The following C8orf34 variants were observed in gnomAD, a reference collection of about 807,000 sequenced individuals.
C8orf34 encodes the protein uncharacterized protein C8orf34.
C8orf34 carries 65 observed loss-of-function variants against 68.3 expected under a neutral mutation model. The observed-to-expected ratio is 0.95, with a 90% CI of 0.78 to 1.17. The LOEUF is 1.17. C8orf34 is among the 50% of genes most tolerant of loss of function. C8orf34 has a pLI of 0.00. For synonymous variants in C8orf34, 244 were observed against 241.2 expected, an observed-to-expected ratio of 1.01 and a Z score of -0.11; for missense variants, 664 against 655.4, an observed-to-expected ratio of 1.01 and a Z score of -0.14.
chr8:68,773,322 G>T lies in C8orf34; in HGVS notation c.1405-3077G>T, dbSNP rs566316394. Among the ~76,000 whole-genome samples the T allele has an allele frequency of 2.0e-5, 3 of 152,204 alleles. No individual in the cohort carries two copies. The South Asian group carries it at 6.2e-4, about 32-fold the overall frequency. The stretch of plus-strand genomic sequence containing the variant: ...GCCTTATTCTTCGTTGTGTCCACTT[G>T]GCCTTGTACCACACTTGCATTCTTC... On this transcript the variant is annotated intron_variant, in intron 10 of 13. Coordinates refer to ENST00000518698, the MANE Select transcript of C8orf34 (RefSeq NM_052958.4).
chr8:68,770,502 T>C (rs1028301732), intron 10 of C8orf34, among the ~76,000 whole-genome samples: 2 of 152,208 alleles, frequency 1.3e-5, no homozygotes, highest in African/African-American at 4.8e-5. Context: ...TCTAAGTCCA[T>C]GCAATTACAA....
intron 7 of C8orf34, among the ~76,000 whole-genome samples, chr8:68,633,405 G>T (rs1363974392): frequency 6.6e-6 from 1 of 152,136 alleles, no homozygotes; most frequent in Non-Finnish European, 1.5e-5. Flanking sequence ...CTGGGATGGG[G>T]TTGATCACAT....
intron 7 of C8orf34, among the ~76,000 whole-genome samples, chr8:68,591,559 A>C (rs1208461379): frequency 1.3e-5 from 2 of 152,172 alleles, no homozygotes; most frequent in Non-Finnish European, 2.9e-5. Context: ...CAGCTAAACT[A>C]CAGGCTAATG....
intron 5 of C8orf34, among the ~76,000 whole-genome samples, chr8:68,495,708 C>T (rs1175363430): frequency 6.6e-6 from 1 of 152,176 alleles, no homozygotes; most frequent in African/African-American, 2.4e-5. Flanking sequence ...CTCTTTGTCA[C>T]ATAGTAAGTG....
chr8:68,760,871 A>G (rs1195970609), intron 10 of C8orf34, among the ~76,000 whole-genome samples: 1 of 152,212 alleles, frequency 6.6e-6, no homozygotes, highest in Non-Finnish European at 1.5e-5. Flanking sequence ...CTGTTTAAAT[A>G]TTTAATTTGA....
chr8:68,374,195 A>T (rs541483865), intron 1 of C8orf34, among the ~76,000 whole-genome samples: 1 of 152,254 alleles, frequency 6.6e-6, no homozygotes, highest in South Asian at 2.1e-4. Context: ...GATTGCAGGC[A>T]CGAGCCACCA....
intron 4 of C8orf34, among the ~76,000 whole-genome samples, chr8:68,471,403 G>A (rs1053447718): frequency 6.6e-6 from 1 of 152,126 alleles, no homozygotes; most frequent in Non-Finnish European, 1.5e-5. Flanking sequence ...CAACATGCCT[G>A]CCCTGGTCAG....
chr8:68,751,696 G>A (rs1388974976), intron 10 of C8orf34, among the ~76,000 whole-genome samples: 1 of 151,982 alleles, frequency 6.6e-6, no homozygotes, highest in Non-Finnish European at 1.5e-5. Flanking sequence ...ACTTTGAGAA[G>A]TATTTGGCCA....
Position 68,818,405 on chromosome 8 carries a change from A to T in C8orf34, c.*159A>T. ...TACTATCGTAGCCAGGGGGTGCCCA[A>T]GTATGTAATCAGAGAACACTAATCC... On this transcript the variant is annotated 3_prime_UTR_variant, in exon 14 of 14. Coordinates refer to ENST00000518698, the MANE Select transcript of C8orf34 (RefSeq NM_052958.4). 1.3e-6 allele frequency: 1 copy of T among 776,748 alleles called. No individual in the cohort carries two copies. Among genetic ancestry groups the T allele is most frequent in the South Asian group, 1.9e-5 (1 of 52,742 alleles). The allele number at this position is 776,748 out of a possible 1,614,324, so 48.1% of individuals were successfully genotyped here. A position where few individuals can be genotyped will look rare whatever the true frequency, so the allele number is the denominator to read the frequency against.
chr8:68,797,552 A>C (rs1004052451), intron 12 of C8orf34, among the ~76,000 whole-genome samples: 2 of 151,872 alleles, frequency 1.3e-5, no homozygotes. Flanking sequence ...TAAAAAAAAA[A>C]AAGTTTCTTC....
chr8:68,421,854 A>G (rs1229044418), intron 1 of C8orf34, among the ~76,000 whole-genome samples: 3 of 152,192 alleles, frequency 2.0e-5, no homozygotes, highest in Non-Finnish European at 1.5e-5. Context: ...GGGAGTCCTC[A>G]AGTAACTTAC....
In C8orf34 at chr8:68,521,815, ATTC is replaced by A; in HGVS notation, c.787_789del (p.Ser263del). On this transcript the variant is annotated inframe_deletion, in exon 6 of 14. Transcript: ENST00000518698. ...TCTCTTCAGGAAACAGTGACATTTA[ATTC>A]TTCTCTTCTGAGGCCCCGTGTGATT... 6.2e-7 allele frequency: 1 copy of A among 1,613,176 alleles called. No individual in the cohort carries two copies. Among genetic ancestry groups the A allele is most frequent in the South Asian group, 1.1e-5 (1 of 90,870 alleles).
intron 3 of C8orf34, among the ~76,000 whole-genome samples, chr8:68,464,388 A>C (rs1023648168): frequency 7.2e-5 from 11 of 152,162 alleles, no homozygotes; most frequent in Non-Finnish European, 1.2e-4. Flanking sequence ...GGTAATTTAT[A>C]GATTCAATGC....
chr8:68,585,127 G>A (rs1817170372), intron 7 of C8orf34, among the ~76,000 whole-genome samples: 1 of 152,116 alleles, frequency 6.6e-6, no homozygotes, highest in Admixed American at 6.6e-5. Context: ...GCACTGGGCA[G>A]TCTGAGAAGT....
Position 68,798,507 on chromosome 8 carries a change from T to G in C8orf34, c.1549+10971T>G, listed in dbSNP as rs1824243193. The stretch of plus-strand genomic sequence containing the variant: ...AAACTCTTATCAGATGATAAATCTC[T>G]AAATTAGGTATATCAGATATCTGCA... On this transcript the variant is annotated intron_variant, in intron 12 of 13. Coordinates refer to ENST00000518698, the MANE Select transcript of C8orf34 (RefSeq NM_052958.4). Among the ~76,000 whole-genome samples, 3 of 152,166 alleles carry G rather than the reference T, an allele frequency of 2.0e-5. No homozygotes were observed. In the South Asian group the frequency reaches 6.2e-4, roughly 32 times the overall value.
chr8:68,581,437 G>A (rs575591657), intron 7 of C8orf34, among the ~76,000 whole-genome samples: 5 of 152,112 alleles, frequency 3.3e-5, no homozygotes, highest in African/African-American at 1.2e-4. Context: ...CCTGCTTCAG[G>A]GGAGAAGAGT....
intron 7 of C8orf34, among the ~76,000 whole-genome samples, chr8:68,592,182 T>A (rs1411537709): frequency 6.6e-6 from 1 of 152,198 alleles, no homozygotes; most frequent in African/African-American, 2.4e-5. Flanking sequence ...TCACATTTTC[T>A]TTCTCCATAC....
At chr8:68,381,455 G>A (rs548625904) in intron 1 of C8orf34, among the ~76,000 whole-genome samples, 9 of 152,208 alleles carry the variant, frequency 5.9e-5, no homozygotes, top group South Asian at 2.1e-4. Flanking sequence ...TATTAAGGCC[G>A]GGCGCGGTGG....
chr8:68,525,419 A>G, intron 6 of C8orf34: 1 of 406,414 alleles, frequency 2.5e-6, no homozygotes, highest in East Asian at 4.0e-5. Context: ...CATAACTTAT[A>G]AATTTCTTAA....
Sources: gnomAD v4.1 joint callset for allele counts (sites outside exome capture counted in the v4.1 genomes callset) on GRCh38, gnomAD v4.1.1 for gene constraint, MANE v1.5 for transcripts, NCBI Gene and HGNC (gene_info 2026-07-23, HGNC 2026-07-21) for gene names.